Variants in IL21R observed in about 807,000 individuals in gnomAD.
IL21R encodes the protein interleukin-21 receptor.
IL21R carries 14 observed loss-of-function variants against 41.3 expected under a neutral mutation model. That is an observed-to-expected ratio of 0.34 (90% CI 0.22 to 0.53). IL21R has a LOEUF of 0.53. IL21R is among the 20% of genes least tolerant of loss of function. The probability of loss-of-function intolerance (pLI) is 0.94; values close to 1 mark genes in which losing one functional copy is unlikely to be tolerated. For missense variants in IL21R, 588 were observed against 681.6 expected, an observed-to-expected ratio of 0.86 and a Z score of 1.53; for synonymous variants, 286 against 287.6, an observed-to-expected ratio of 0.99 and a Z score of 0.05.
chr16:27,428,478 TG>T (rs1359554998), intron 1 of IL21R, among the ~76,000 whole-genome samples: 1 of 152,272 alleles, frequency 6.6e-6, no homozygotes, highest in Non-Finnish European at 1.5e-5. Flanking sequence ...GGGTCCTGCA[TG>T]GGGCATCCCT....
chr16:27,418,357 C>T (rs1179938023), intron 1 of IL21R, among the ~76,000 whole-genome samples: 2 of 146,422 alleles, frequency 1.4e-5, no homozygotes, highest in Non-Finnish European at 1.5e-5. Flanking sequence ...CGTAAGCTAC[C>T]GCGCCCGGCC....
At chr16:27,442,873 G>C in intron 4 of IL21R, 89 bp from the exon 5 acceptor site, 1 of 1,237,304 alleles carries the variant, frequency 8.1e-7, no homozygotes, top group Middle Eastern at 2.0e-4. Flanking sequence ...GCAGGGGTGG[G>C]GGCAGGCAGG....
chr16:27,404,580 C>T (rs1355006899), intron 1 of IL21R, among the ~76,000 whole-genome samples: 1 of 152,184 alleles, frequency 6.6e-6, no homozygotes, highest in Admixed American at 6.5e-5. Flanking sequence ...GTTCCTTCCA[C>T]AGCCAGAGAG....
chr16:27,413,806 T>C (rs1360712768), intron 1 of IL21R, among the ~76,000 whole-genome samples: 1 of 152,016 alleles, frequency 6.6e-6, no homozygotes, highest in Non-Finnish European at 1.5e-5. Context: ...CTTTCATTTC[T>C]GATTTTAGTT....
chr16:27,417,048 T>A (rs546154919), intron 1 of IL21R, among the ~76,000 whole-genome samples: 3 of 152,308 alleles, frequency 2.0e-5, no homozygotes, highest in South Asian at 4.1e-4. Flanking sequence ...TTGTTTCCAG[T>A]TTTTTGGTAT....
intron 1 of IL21R, among the ~76,000 whole-genome samples, chr16:27,407,476 G>T (rs2086765664): frequency 6.6e-6 from 1 of 152,204 alleles, no homozygotes; most frequent in African/African-American, 2.4e-5. Flanking sequence ...ATTCTAGGCA[G>T]AGGGAAAGGC....
chr16:27,419,212 G>GAAAACAA (rs1263835542), intron 1 of IL21R, among the ~76,000 whole-genome samples: 2 of 151,994 alleles, frequency 1.3e-5, no homozygotes, highest in East Asian at 3.8e-4. Flanking sequence ...AAAAAACCCA[G>GAAAACAA]AAAACAAAAA....
At chr16:27,441,083 G>A (rs2141302751) in intron 4 of IL21R, among the ~76,000 whole-genome samples, 3 of 131,398 alleles carry the variant, frequency 2.3e-5, no homozygotes, top group Admixed American at 7.6e-5. Flanking sequence ...AGAGAAAAAA[G>A]AAAGGGAGGG....
intron 1 of IL21R, among the ~76,000 whole-genome samples, chr16:27,417,158 C>CTT (rs1567358178): frequency 2.0e-5 from 2 of 99,564 alleles, no homozygotes; most frequent in African/African-American, 3.7e-5. Context: ...TTTCTTTTTT[C>CTT]TTTTCTTTTT....
In IL21R at chr16:27,451,578, G is replaced by A. The variant is rs2087599413; in HGVS notation, c.*2295G>A. 4.7e-6 allele frequency: 1 copy of A among 211,582 alleles called. No individual in the cohort carries two copies. The highest frequency in any genetic ancestry group is 2.3e-5 in the African/African-American group (1 of 44,042). The allele number at this position is 211,582 out of a possible 1,614,324, so 13.1% of individuals were successfully genotyped here. A position where few individuals can be genotyped will look rare whatever the true frequency, so the allele number is the denominator to read the frequency against. On this transcript the variant is annotated 3_prime_UTR_variant, in exon 9 of 9. Transcript: ENST00000337929. ...ATTATTTTTTAAAAAAATTAGCCAG[G>A]TGTGGTGGTGCTTGCCTATAGTCCC...
chr16:27,438,485 A>G lies in IL21R; in HGVS notation c.352+798A>G, dbSNP rs3093346. On this transcript the variant is annotated intron_variant, in intron 4 of 8. Coordinates refer to ENST00000337929, the MANE Select transcript of IL21R (RefSeq NM_181078.3). ...CATGCCTGTAATTCCAACACTTTGG[A>G]AGGCTGAGGCAGGAGGATTGCTTGA... 5.5e-3 allele frequency among the ~76,000 whole-genome samples: 843 copies of G among 152,172 alleles called. 12 individuals carry two copies. The highest frequency in any genetic ancestry group is 0.019 in the African/African-American group (806 of 41,514).
At position 27,449,446 on chromosome 16, in the gene IL21R, G is replaced by A; in HGVS notation, c.*163G>A. 1 of 675,218 alleles carries A rather than the reference G, an allele frequency of 1.5e-6. No individual in the cohort carries two copies. The highest frequency in any genetic ancestry group is 2.4e-6 in the Non-Finnish European group (1 of 409,090). 41.8% of individuals were successfully genotyped at this position (675,218 alleles called of 1,614,324 possible). On this transcript the variant is annotated 3_prime_UTR_variant, in exon 9 of 9. Coordinates refer to ENST00000337929, the MANE Select transcript of IL21R (RefSeq NM_181078.3). ...TGTGTGTGTGTGTGCATATGTGTGT[G>A]TGTGCATATGCATGTGTGTGTGTGT...
chr16:27,418,254 A>G (rs2086930215), intron 1 of IL21R, among the ~76,000 whole-genome samples: 1 of 150,938 alleles, frequency 6.6e-6, no homozygotes, highest in Non-Finnish European at 1.5e-5. Context: ...TATTTTTAGT[A>G]GAGATGGGGT....
At chr16:27,438,291 G>GA (rs147148848) in intron 4 of IL21R, among the ~76,000 whole-genome samples, 39 of 147,712 alleles carry the variant, frequency 2.6e-4, no homozygotes, top group Admixed American at 7.4e-4. Flanking sequence ...CTGAGTTACA[G>GA]AAAAAAAAAA....
At chr16:27,446,817 C>T (rs911424512) in intron 8 of IL21R, among the ~76,000 whole-genome samples, 3 of 152,168 alleles carry the variant, frequency 2.0e-5, no homozygotes, top group African/African-American at 7.2e-5. Context: ...TCCAACTCAC[C>T]ACCACCCGCC....
chr16:27,403,067 G>T, intron 1 of IL21R: 1 of 499,710 alleles, frequency 2.0e-6, no homozygotes, highest in Non-Finnish European at 3.9e-6. Flanking sequence ...TGGCTGGTGT[G>T]CCCATTTCGC....
rs905188229 is a variant in IL21R, at chr16:27,414,627, CTATT to C, written c.-17+12010_-17+12013del. 6.8e-4 allele frequency among the ~76,000 whole-genome samples: 98 copies of C among 143,310 alleles called. 2 individuals are homozygous for C. Among genetic ancestry groups the C allele is most frequent in the African/African-American group, 2.6e-3 (97 of 37,866 alleles). The allele number at this position is 143,310 out of a possible 152,430, so 94.0% of individuals were successfully genotyped here. ...CTATTTGTTTTCTTTTTTGACCTAT[CTATT>C]CTTCCTTCTTTGTTCTAGTTTTTAG... On this transcript the variant is annotated intron_variant, in intron 1 of 8. Coordinates refer to ENST00000337929, the MANE Select transcript of IL21R (RefSeq NM_181078.3).
chr16:27,439,361 TACACAC>T lies in IL21R; in HGVS notation c.352+1691_352+1696del, dbSNP rs145409668. Among the ~76,000 whole-genome samples the T allele has an allele frequency of 5.0e-3, 700 of 139,258 alleles. 2 individuals are homozygous for T. The highest frequency in any genetic ancestry group is 7.1e-3 in the Middle Eastern group (2 of 280). 91.4% of individuals were successfully genotyped at this position (139,258 alleles called of 152,430 possible). A position where few individuals can be genotyped will look rare whatever the true frequency, so the allele number is the denominator to read the frequency against. On this transcript the variant is annotated intron_variant, in intron 4 of 8. Transcript: ENST00000337929. Reference sequence around the variant, plus strand: ...ACTCTCATACACACTCACACATACATACACACACACACACACACACACGTACACAAT... The same window carrying T: ...ACTCTCATACACACTCACACATACATACACACACACACACACGTACACAAT...
At chr16:27,433,389 C>T (rs939839287) in intron 2 of IL21R, among the ~76,000 whole-genome samples, 1 of 152,004 alleles carries the variant, frequency 6.6e-6, no homozygotes, top group Non-Finnish European at 1.5e-5. Context: ...CTGCTTGAGC[C>T]CAGGAGGTGG....
Sources: gnomAD v4.1 joint callset for allele counts (sites outside exome capture counted in the v4.1 genomes callset) on GRCh38, gnomAD v4.1.1 for gene constraint, MANE v1.5 for transcripts, NCBI Gene and HGNC (gene_info 2026-07-23, HGNC 2026-07-21) for gene names.